DTNA: variants seen among roughly 807,000 people sequenced by gnomAD.
The protein encoded by DTNA is dystrobrevin alpha, also known as dystrophin-related protein 3.
Under a neutral mutation model 100.7 loss-of-function variants are expected in DTNA, and 43 were observed. The ratio of observed to expected loss-of-function variants is 0.43; its 90% CI spans 0.33 to 0.55. The LOEUF is 0.55. Ranked by LOEUF, DTNA falls within the 20% of genes least tolerant of loss-of-function variation. The probability of loss-of-function intolerance (pLI) is 0.04; values close to 1 mark genes in which losing one functional copy is unlikely to be tolerated. For synonymous variants in DTNA, 349 were observed against 347.9 expected, an observed-to-expected ratio of 1.00 and a Z score of -0.04; for missense variants, 798 against 953.9, an observed-to-expected ratio of 0.84 and a Z score of 2.15.
At chr18:34,701,695 G>C (rs1032232663) in intron 1 of DTNA, among the ~76,000 whole-genome samples, 3 of 152,150 alleles carry the variant, frequency 2.0e-5, no homozygotes, top group Non-Finnish European at 4.4e-5. Context: ...CACCAAGCCA[G>C]CTTCTGCATT....
At chr18:34,771,471 G>A (rs1474305239) in intron 3 of DTNA, among the ~76,000 whole-genome samples, 1 of 151,672 alleles carries the variant, frequency 6.6e-6, no homozygotes, top group Non-Finnish European at 1.5e-5. Context: ...CTGCACTCCA[G>A]CCTGAGTGAT....
chr18:34,709,795 G>A (rs1053990054), upstream of DTNA, among the ~76,000 whole-genome samples: 2 of 152,222 alleles, frequency 1.3e-5, no homozygotes, highest in Non-Finnish European at 2.9e-5. Context: ...GCTGTGATTA[G>A]AAGTTTGCTC....
At chr18:34,824,250 C>T (rs139968774) in intron 9 of DTNA, among the ~76,000 whole-genome samples, 2,081 of 152,104 alleles carry the variant, frequency 0.014, 51 homozygotes, top group African/African-American at 0.047. Flanking sequence ...CTGAGGCGGG[C>T]GGATCACGAG....
At chr18:34,783,251 A>G (rs1286202760) in intron 3 of DTNA, among the ~76,000 whole-genome samples, 2 of 152,156 alleles carry the variant, frequency 1.3e-5, no homozygotes, top group African/African-American at 2.4e-5. Flanking sequence ...TGAGTCAACA[A>G]TTTTCATACC....
At chr18:34,811,264 G>T (rs926839541) in intron 5 of DTNA, among the ~76,000 whole-genome samples, 1 of 152,092 alleles carries the variant, frequency 6.6e-6, no homozygotes, top group African/African-American at 2.4e-5. Context: ...GAAGCCATAG[G>T]CCCTTCAGAG....
At chr18:34,747,106 A>ATCTATCTATCTATCTATCTATCTATC (rs2091726695) in intron 1 of DTNA, among the ~76,000 whole-genome samples, 2 of 7,354 alleles carry the variant, frequency 2.7e-4, no homozygotes, top group African/African-American at 3.2e-4. Context: ...ATCTGTATCT[A>ATCTATCTATCTATCTATCTATCTATC]TATATATATA....
intron 3 of DTNA, among the ~76,000 whole-genome samples, chr18:34,790,010 A>G (rs1321531297): frequency 6.6e-6 from 1 of 152,236 alleles, no homozygotes; most frequent in African/African-American, 2.4e-5. Flanking sequence ...CAGTATACCT[A>G]GGATTCAAAC....
chr18:34,765,970 A>G lies in DTNA; in HGVS notation c.77A>G (p.Asp26Gly). Residue 26 changes from aspartate (D) to glycine (G), a missense_variant, in exon 3 of 23, where the codon GAT becomes GGT. Asp to Gly is a moderately conservative substitution (Grantham distance 94, BLOSUM62 -1). Transcript: ENST00000444659. ...TTTTTCCCCGCACTAGGGGCTCAAGATCTGGATCGCATCCGACTCTCCACC... is the reference window on the plus strand; with the variant it reads ...TTTTTCCCCGCACTAGGGGCTCAAGGTCTGGATCGCATCCGACTCTCCACC... ...RQLFAEMRAQ[D>G]LDRIRLSTYR... The G allele has an allele frequency of 6.2e-7, 1 of 1,613,776 alleles. No homozygotes were observed. The highest frequency in any genetic ancestry group is 2.2e-5 in the East Asian group (1 of 44,868).
At chr18:34,706,938 A>C (rs1392823733), upstream of DTNA, among the ~76,000 whole-genome samples, 1 of 152,196 alleles carries the variant, frequency 6.6e-6, no homozygotes, top group South Asian at 2.1e-4. Flanking sequence ...TGTTGCTGTC[A>C]ACACACTTTC....
chr18:34,634,656 CT>C (rs2058462058), intron 1 of DTNA, among the ~76,000 whole-genome samples: 1 of 151,948 alleles, frequency 6.6e-6, no homozygotes, highest in South Asian at 2.1e-4. Flanking sequence ...TGTGGATATT[CT>C]TTTATATAGC....
intron 6 of DTNA, among the ~76,000 whole-genome samples, chr18:34,814,004 T>C (rs2095543251): frequency 6.6e-6 from 1 of 152,230 alleles, no homozygotes; most frequent in Non-Finnish European, 1.5e-5. Context: ...ATTTATGGCT[T>C]GCAACAACCC....
intron 1 of DTNA, among the ~76,000 whole-genome samples, chr18:34,753,361 A>ATTTTTTTTTTTTTTTTTT (rs751756097): frequency 2.1e-5 from 2 of 96,890 alleles, no homozygotes; most frequent in African/African-American, 1.1e-4. Flanking sequence ...TTATTTATTT[A>ATTTTTTTTTTTTTTTTTT]TTTTATTTTT....
At chr18:34,848,463 A>G in intron 14 of DTNA, 80 bp downstream of exon 14, 1 of 1,412,716 alleles carries the variant, frequency 7.1e-7, no homozygotes, top group East Asian at 2.3e-5. Context: ...TTGTTATTAT[A>G]GCTGGTGCTG....
At chr18:34,870,000 A>G (rs1438126232) in intron 17 of DTNA, among the ~76,000 whole-genome samples, 3 of 152,322 alleles carry the variant, frequency 2.0e-5, no homozygotes, top group Non-Finnish European at 2.9e-5. Context: ...CAGCCTGGGC[A>G]ACACGACACA....
chr18:34,499,774 C>G (rs888043845), intron 1 of DTNA, among the ~76,000 whole-genome samples: 1 of 152,056 alleles, frequency 6.6e-6, no homozygotes, highest in African/African-American at 2.4e-5. Context: ...TAAATATCTT[C>G]CTTAGTGAAA....
chr18:34,621,934 A>G (rs554907008), intron 1 of DTNA, among the ~76,000 whole-genome samples: 1 of 152,292 alleles, frequency 6.6e-6, no homozygotes, highest in Admixed American at 6.5e-5. Context: ...TACGATTTAT[A>G]TTTGTCAAAT....
chr18:34,828,947 G>T, intron 10 of DTNA: 2 of 1,420,002 alleles, frequency 1.4e-6, no homozygotes, highest in South Asian at 1.1e-5. Flanking sequence ...GTGATGTTTA[G>T]AAATATGTAC....
intron 1 of DTNA, among the ~76,000 whole-genome samples, chr18:34,664,859 A>G (rs1163145297): frequency 6.6e-6 from 1 of 152,152 alleles, no homozygotes; most frequent in Non-Finnish European, 1.5e-5. Flanking sequence ...GGAGGTCTTC[A>G]GAACAAAAAG....
intron 1 of DTNA, among the ~76,000 whole-genome samples, chr18:34,581,355 G>A (rs1371077215): frequency 1.3e-5 from 2 of 152,206 alleles, no homozygotes; most frequent in African/African-American, 4.8e-5. Flanking sequence ...TGCTCCACCT[G>A]TTGCTGTGTC....
Sources: gnomAD v4.1 joint callset for allele counts (sites outside exome capture counted in the v4.1 genomes callset) on GRCh38, gnomAD v4.1.1 for gene constraint, MANE v1.5 for transcripts, NCBI Gene and HGNC (gene_info 2026-07-23, HGNC 2026-07-21) for gene names.